The following ZCCHC2 variants were observed in gnomAD, a reference collection of about 807,000 sequenced individuals.
ZCCHC2 encodes the protein zinc finger CCHC domain-containing protein 2.
ZCCHC2 carries 39 observed loss-of-function variants against 103.6 expected under a neutral mutation model. The ratio of observed to expected loss-of-function variants is 0.38; its 90% CI spans 0.29 to 0.49. The LOEUF (loss-of-function observed/expected upper bound fraction) is 0.49, where lower values mean the gene tolerates loss of function less well. Among genes scored for constraint, ZCCHC2 ranks in the 20% least tolerant of loss-of-function variants. The pLI, the probability that ZCCHC2 is intolerant of heterozygous loss-of-function variation, is 0.96. For synonymous variants in ZCCHC2, 687 were observed against 608.9 expected (o/e 1.13, Z -1.89); for missense variants, 1,483 against 1,491.0 (o/e 0.99, Z 0.09).
intron 7 of ZCCHC2, 58 bp downstream of exon 7, chr18:62,558,828 C>A: frequency 8.6e-7 from 1 of 1,164,520 alleles, no homozygotes. Context: ...ATGGATAGAA[C>A]ATTTAAGGAG....
Position 62,575,546 on chromosome 18 carries a change from A to C in ZCCHC2, c.3465A>C (p.Gln1155His). Reference sequence around the variant, plus strand: ...AGCAGTCGTCCATGGAGGCCAATCAACAAGGTAATCACAATAACTCCCAGA... The same window carrying C: ...AGCAGTCGTCCATGGAGGCCAATCACCAAGGTAATCACAATAACTCCCAGA... ...DCKQSSMEAN[Q>H]QGTYRLRYAP... is the part of the protein sequence containing the mutation. The change falls in exon 13 of 14, where the codon CAA (glutamine) becomes CAC (histidine). Residue 1155 changes from glutamine (Q) to histidine (H), a missense_variant. Transcript: ENST00000269499. 1 of 1,612,774 alleles carries C rather than the reference A, an allele frequency of 6.2e-7. No homozygotes were observed. The highest frequency in any genetic ancestry group is 8.5e-7 in the Non-Finnish European group (1 of 1,179,002).
At chr18:62,559,972 G>C (rs1242589633) in intron 7 of ZCCHC2, among the ~76,000 whole-genome samples, 1 of 152,176 alleles carries the variant, frequency 6.6e-6, no homozygotes, top group Non-Finnish European at 1.5e-5. Context: ...AAATATACAG[G>C]AGGATGTGCA....
At chr18:62,571,891 A>C (rs1016241757) in intron 12 of ZCCHC2, among the ~76,000 whole-genome samples, 3 of 152,226 alleles carry the variant, frequency 2.0e-5, no homozygotes, top group African/African-American at 7.2e-5. Context: ...CATGATATAC[A>C]ATTAAAGTCA....
At chr18:62,563,237 A>G (rs1916204176) in intron 9 of ZCCHC2, 93 bp downstream of exon 9, 20 of 1,423,618 alleles carry the variant, frequency 1.4e-5, no homozygotes, top group Non-Finnish European at 1.9e-5. Flanking sequence ...GTCAGACAGT[A>G]TATCTGGTAA....
chr18:62,524,332 A>G lies in ZCCHC2; in HGVS notation c.908A>G (p.Glu303Gly). 1 of 1,541,322 alleles carries G rather than the reference A, an allele frequency of 6.5e-7. No homozygotes were observed. The highest frequency in any genetic ancestry group is 8.7e-7 in the Non-Finnish European group (1 of 1,143,566). ...CCCGAGGACGCGGAGGTGGAGGTAG[A>G]GCCGTGCAAGTTTGCCGGCCCCAGG... ...GGPEDAEVEV[E>G]PCKFAGPRAQ... Residue 303 changes from glutamate to glycine, a missense_variant, in exon 1 of 14, where the codon GAG becomes GGG. By Grantham distance (98) the Glu-to-Gly change is moderately conservative (BLOSUM62 -2). Around this residue, in one of 3 missense-constraint regions of ZCCHC2, gnomAD observed 568 missense variants for 525.1 expected, o/e 1.08. Coordinates refer to ENST00000269499, the MANE Select transcript of ZCCHC2 (RefSeq NM_017742.6).
intron 5 of ZCCHC2, among the ~76,000 whole-genome samples, chr18:62,554,895 G>T (rs1180872964): frequency 6.6e-6 from 1 of 152,180 alleles, no homozygotes; most frequent in African/African-American, 2.4e-5. Context: ...AATTTTGCAT[G>T]ATATACAAGG....
rs139075199 is a variant in ZCCHC2 at position 62,553,830 on chromosome 18, T to C, written c.1314-2373T>C. Among the ~76,000 whole-genome samples the C allele has an allele frequency of 1.4e-4, 21 of 152,338 alleles. No individual in the cohort carries two copies. In the East Asian group the frequency reaches 3.9e-3, roughly 28 times the overall value. ...CCTGTGAATGGCCTTTTCAGTCCTT[T>C]CCACACTTTATTGGTGTCACTGATT... On this transcript the variant is annotated intron_variant, in intron 5 of 13. Coordinates refer to ENST00000269499, the MANE Select transcript of ZCCHC2 (RefSeq NM_017742.6).
At chr18:62,579,847 C>T (rs1009496701), downstream of ZCCHC2, among the ~76,000 whole-genome samples, 2 of 152,090 alleles carry the variant, frequency 1.3e-5, no homozygotes, top group Non-Finnish European at 2.9e-5. Flanking sequence ...CTCAGCCTCT[C>T]AAGTAGCTGG....
At chr18:62,564,940 G>C in intron 10 of ZCCHC2, 62 bp from the exon 11 acceptor site, 1 of 1,207,250 alleles carries the variant, frequency 8.3e-7, no homozygotes, top group Non-Finnish European at 1.2e-6. Flanking sequence ...TATCAATACT[G>C]TACTGAATGT....
chr18:62,525,732 C>T (rs1232141915), intron 1 of ZCCHC2, among the ~76,000 whole-genome samples: 1 of 151,996 alleles, frequency 6.6e-6, no homozygotes, highest in South Asian at 2.1e-4. Context: ...CGCTCTAGTG[C>T]CCAGCATTAT....
chr18:62,585,293 A>G (rs1598975795), exon 15 of ZCCHC2: 1 of 152,380 alleles, frequency 6.6e-6, no homozygotes, highest in African/African-American at 2.4e-5. Flanking sequence ...CATTAAATCT[A>G]CTGAAGCAGT....
Position 62,575,324 on chromosome 18 carries a change from A to G in ZCCHC2, c.3243A>G (p.Ala1081=), listed in dbSNP as rs767597285. Residue 1081 remains alanine (A), a synonymous_variant, in exon 13 of 14, where the codon GCA becomes GCG. Transcript: ENST00000269499. ...LPFFLPQTPY[A]NGLVHDPVMG... ...TTTTTCTGCCTCAGACTCCATATGC[A>G]AATGGACTGGTACATGACCCAGTCA... is the stretch of plus-strand genomic sequence containing the variant. The G allele has an allele frequency of 1.9e-6, 3 of 1,613,988 alleles. No individual in the cohort carries two copies. The highest frequency in any genetic ancestry group is 2.2e-5 in the East Asian group (1 of 44,886).
intron 7 of ZCCHC2, among the ~76,000 whole-genome samples, chr18:62,559,346 A>G (rs886625397): frequency 2.0e-5 from 3 of 152,272 alleles, no homozygotes; most frequent in Non-Finnish European, 4.4e-5. Context: ...TAGGTGAAAG[A>G]CATAAATAGG....
At chr18:62,583,879 C>T (rs955602956) in intron 14 of ZCCHC2, among the ~76,000 whole-genome samples, 5 of 152,022 alleles carry the variant, frequency 3.3e-5, no homozygotes, top group African/African-American at 7.2e-5. Context: ...GGTGTCAGCT[C>T]GGGGTGGAGG....
chr18:62,573,943 T>C (rs1916693248), intron 12 of ZCCHC2, 114 bp from the exon 13 acceptor site: 3 of 1,111,420 alleles, frequency 2.7e-6, no homozygotes, highest in Non-Finnish European at 3.8e-6. Flanking sequence ...TCAGGAAACA[T>C]AGAGGGACAC....
rs1382731377 is a variant in ZCCHC2, at chr18:62,523,485, G to C, written c.61G>C (p.Glu21Gln). The change falls in exon 1 of 14, where the codon GAG becomes CAG. Residue 21 changes from glutamate (E) to glutamine (Q), a missense_variant. By Grantham distance (29) the Glu-to-Gln change is conservative (BLOSUM62 2). Coordinates refer to ENST00000269499, the MANE Select transcript of ZCCHC2 (RefSeq NM_017742.6). ...CCCCGCGGAGCCGCCGCCCGAGGCG[G>C]AGGAGCCCGAGGCGGACGCGCGGCC... ...THPAEPPPEA[E>Q]EPEADARPGA... 1 of 1,047,890 alleles carries C rather than the reference G, an allele frequency of 9.5e-7. No homozygotes were observed. Among genetic ancestry groups the C allele is most frequent in the Non-Finnish European group, 1.2e-6 (1 of 864,190 alleles). 64.9% of individuals were successfully genotyped at this position (1,047,890 alleles called of 1,614,324 possible).
intron 12 of ZCCHC2, 127 bp downstream of exon 12, chr18:62,570,358 T>C: frequency 8.4e-7 from 1 of 1,189,264 alleles, no homozygotes; most frequent in Non-Finnish European, 1.2e-6. Context: ...CATTAACTGA[T>C]TTTAAATGTA....
At position 62,574,538 on chromosome 18, in the gene ZCCHC2, A is replaced by G; in HGVS notation, c.2457A>G (p.Pro819=). 1 of 1,613,976 alleles carries G rather than the reference A, an allele frequency of 6.2e-7. No individual in the cohort carries two copies. The highest frequency in any genetic ancestry group is 1.1e-5 in the South Asian group (1 of 91,088). ...CAGTTCAGAGGCTAAAGTTGCCACC[A>G]CCACAGGGATCTTCTGAGAGCTGCA... ...HLTVQRLKLP[P]PQGSSESCTV... The change falls in exon 13 of 14, where the codon CCA becomes CCG. Residue 819 remains proline (P), a synonymous_variant. Coordinates refer to ENST00000269499, the MANE Select transcript of ZCCHC2 (RefSeq NM_017742.6).
chr18:62,579,832 C>T (rs1055715908), downstream of ZCCHC2, among the ~76,000 whole-genome samples: 1 of 152,270 alleles, frequency 6.6e-6, no homozygotes, highest in Non-Finnish European at 1.5e-5. Context: ...AAGTGATTCT[C>T]CTGCCTCAGC....
Sources: allele counts gnomAD v4.1 joint callset (sites outside exome capture counted in the v4.1 genomes callset), GRCh38; gene constraint gnomAD v4.1.1; regional missense constraint gnomAD v4.1.1; transcripts MANE v1.5; gene names NCBI Gene and HGNC (gene_info 2026-07-23, HGNC 2026-07-21).